Variants in MPHOSPH9 observed in about 807,000 individuals in gnomAD.
MPHOSPH9 encodes the protein M-phase phosphoprotein 9.
MPHOSPH9 carries 88 observed loss-of-function variants against 145.5 expected under a neutral mutation model. That is an observed-to-expected ratio of 0.60 (90% CI 0.51 to 0.72). MPHOSPH9 has a LOEUF of 0.72. MPHOSPH9 is among the 30% of genes least tolerant of loss of function. The pLI is 0.00. For synonymous variants in MPHOSPH9, 435 were observed against 486.2 expected (o/e 0.89, Z 1.39); for missense variants, 1,238 against 1,386.6 (o/e 0.89, Z 1.70).
intron 11 of MPHOSPH9, among the ~76,000 whole-genome samples, chr12:123,200,535 C>T (rs1030152032): frequency 6.6e-5 from 10 of 152,076 alleles, no homozygotes; most frequent in African/African-American, 2.4e-4. Flanking sequence ...AATGTTTTGA[C>T]TGGCTATAAT....
intron 15 of MPHOSPH9, among the ~76,000 whole-genome samples, chr12:123,179,336 A>G (rs916535238): frequency 5.9e-5 from 9 of 152,128 alleles, no homozygotes; most frequent in Admixed American, 6.6e-5. Context: ...CACCTTGGCA[A>G]GCCGAGGCAG....
chr12:123,223,151 G>A, intron 3 of MPHOSPH9, 24 bp from the exon 4 acceptor site: 1 of 1,279,362 alleles, frequency 7.8e-7, no homozygotes, highest in Non-Finnish European at 1.0e-6. Context: ...AAATATTTTA[G>A]TTAAAAATAA....
upstream of MPHOSPH9, among the ~76,000 whole-genome samples, chr12:123,234,620 T>C (rs2047807441): frequency 4.0e-5 from 6 of 151,850 alleles, no homozygotes; most frequent in Admixed American, 3.9e-4. Context: ...TGGTCTCGAA[T>C]TCCTGACCTC....
At chr12:123,203,397 T>A in intron 8 of MPHOSPH9, 22 bp from the exon 9 acceptor site, 1 of 1,555,922 alleles carries the variant, frequency 6.4e-7, no homozygotes, top group Non-Finnish European at 8.7e-7. Flanking sequence ...GAAACAAAAT[T>A]AAATGGTGTT....
rs768458797 is a variant in MPHOSPH9 at position 123,161,309 on chromosome 12, C to G, written c.3208G>C (p.Val1070Leu). Residue 1070 changes from valine (V) to leucine (L), a missense_variant, in exon 22 of 24, where the codon GTG becomes CTG. Transcript: ENST00000606320. Reference sequence around the variant, plus strand: ...GCTGTTCTCACAGATACTTTCTTCACTCCATTTGGCACCGGTTCAGGGCAA... The same window carrying G: ...GCTGTTCTCACAGATACTTTCTTCAGTCCATTTGGCACCGGTTCAGGGCAA... ...SSCPEPVPNG[V>L]KKVSVRTAWE... 1.9e-6 allele frequency: 3 copies of G among 1,613,982 alleles called. No individual in the cohort carries two copies. Among genetic ancestry groups the G allele is most frequent in the Non-Finnish European group, 2.5e-6 (3 of 1,180,026 alleles).
At position 123,163,051 on chromosome 12, in the gene MPHOSPH9, T is replaced by A; in HGVS notation, c.2992A>T (p.Ser998Cys). Reference protein sequence around the residue: ...SPKENLSPGFSHLLSKNESSP... With the variant: ...SPKENLSPGFCHLLSKNESSP... ...CTCTCATTTTTGCTAAGCAGATGACTAAATCCTGGGGACAAGTTTTCTTTA... is the reference window on the plus strand; with the variant it reads ...CTCTCATTTTTGCTAAGCAGATGACAAAATCCTGGGGACAAGTTTTCTTTA... Residue 998 changes from serine to cysteine, a missense_variant, in exon 20 of 24, where the codon AGT (serine) becomes TGT (cysteine). Coordinates refer to ENST00000606320, the MANE Select transcript of MPHOSPH9 (RefSeq NM_022782.4). 1 of 1,596,160 alleles carries A rather than the reference T, an allele frequency of 6.3e-7. No individual in the cohort carries two copies. Among genetic ancestry groups the A allele is most frequent in the South Asian group, 1.2e-5 (1 of 86,448 alleles).
chr12:123,173,697 C>T (rs991518370), intron 16 of MPHOSPH9, among the ~76,000 whole-genome samples: 9 of 152,220 alleles, frequency 5.9e-5, no homozygotes, highest in African/African-American at 1.7e-4. Flanking sequence ...AGCTCATCCA[C>T]GCACTGAGGG....
upstream of MPHOSPH9, chr12:123,233,663 C>G (rs1161767541): frequency 6.6e-6 from 1 of 152,500 alleles, no homozygotes; most frequent in Non-Finnish European, 1.5e-5. Flanking sequence ...GCCAGTTTAC[C>G]TGAGGCCGCG....
Position 123,198,341 on chromosome 12 carries a change from A to C in MPHOSPH9, c.1938-7T>G. On this transcript the variant is annotated splice_region_variant and splice_polypyrimidine_tract_variant and intron_variant, in intron 11 of 23. Transcript: ENST00000606320. ...ACTATCTAATTGGCCACATCTAAAA[A>C]CCATAAATTTAGCTTCAATTAGAAG... is the stretch of plus-strand genomic sequence containing the variant. 6.2e-7 allele frequency: 1 copy of C among 1,605,490 alleles called. No individual in the cohort carries two copies. The highest frequency in any genetic ancestry group is 8.5e-7 in the Non-Finnish European group (1 of 1,175,238).
At chr12:123,200,161 A>C (rs1593171128) in intron 11 of MPHOSPH9, among the ~76,000 whole-genome samples, 2 of 152,090 alleles carry the variant, frequency 1.3e-5, no homozygotes, top group Non-Finnish European at 2.9e-5. Context: ...CACCAGGGGG[A>C]TTCTCCAATT....
At chr12:123,181,087 G>A in intron 14 of MPHOSPH9, 76 bp downstream of exon 14, 10 of 1,337,010 alleles carry the variant, frequency 7.5e-6, no homozygotes, top group Non-Finnish European at 1.1e-5. Flanking sequence ...AGGAGGAGAA[G>A]AGTCAGATCC....
At chr12:123,235,465 C>T (rs1250466857), upstream of MPHOSPH9, among the ~76,000 whole-genome samples, 6 of 151,866 alleles carry the variant, frequency 4.0e-5, no homozygotes, top group South Asian at 2.1e-4. Flanking sequence ...CCCAGGTTCA[C>T]GCCATTCTCC....
intron 13 of MPHOSPH9, among the ~76,000 whole-genome samples, chr12:123,190,291 T>C (rs1434921633): frequency 6.6e-6 from 1 of 151,950 alleles, no homozygotes; most frequent in Admixed American, 6.6e-5. Context: ...TAGCTGGGAC[T>C]ACAGGCGCCC....
chr12:123,177,145 G>A (rs117785379), intron 15 of MPHOSPH9, among the ~76,000 whole-genome samples: 114 of 151,664 alleles, frequency 7.5e-4, no homozygotes, highest in Non-Finnish European at 1.5e-3. Flanking sequence ...AGCCGAGATC[G>A]CACCAGCCTG....
At position 123,159,181 on chromosome 12, in the gene MPHOSPH9, C is replaced by G. The variant is rs1342686907; in HGVS notation, c.3450+1600G>C. Among the ~76,000 whole-genome samples, 1 of 152,050 alleles carries G rather than the reference C, an allele frequency of 6.6e-6. No homozygotes were observed. Among genetic ancestry groups the G allele is most frequent in the Non-Finnish European group, 1.5e-5 (1 of 67,962 alleles). ...GGTATTTTTTTTTATTATTCTTTTTCAGAGACGGAGTCTTGCTCTGTCACC... is the reference window on the plus strand; with the variant it reads ...GGTATTTTTTTTTATTATTCTTTTTGAGAGACGGAGTCTTGCTCTGTCACC... On this transcript the variant is annotated intron_variant, in intron 23 of 23. Transcript: ENST00000606320. This position sits in a 1 kb window ranked among gnomAD's most constrained non-coding sequence, Gnocchi z 4.3.
chr12:123,166,561 ACCAAAGAGAGGGCTTCC>A (rs1279004667), intron 17 of MPHOSPH9, 77 bp downstream of exon 17: 6 of 1,392,794 alleles, frequency 4.3e-6, no homozygotes, highest in Non-Finnish European at 6.0e-6. Flanking sequence ...ACATTAAAGA[ACCAAAGAGAGGGCTTCC>A]CAAACTTTTA....
intron 8 of MPHOSPH9, among the ~76,000 whole-genome samples, chr12:123,208,596 G>A (rs1593194782): frequency 6.6e-6 from 1 of 150,824 alleles, no homozygotes; most frequent in African/African-American, 2.4e-5. Context: ...GAAATGGATC[G>A]CATAACAAAT....
chr12:123,162,086 C>A, intron 21 of MPHOSPH9, 29 bp downstream of exon 21: 9 of 1,348,120 alleles, frequency 6.7e-6, no homozygotes, highest in South Asian at 2.8e-5. Context: ...TGATTAAAAC[C>A]ATAACTAATA....
rs557698659 is a variant in MPHOSPH9 at position 123,224,799 on chromosome 12, C to T, written c.259-1672G>A. 3.0e-4 allele frequency among the ~76,000 whole-genome samples: 46 copies of T among 152,278 alleles called. No individual in the cohort carries two copies. In the South Asian group the frequency reaches 8.9e-3, roughly 29 times the overall value. On this transcript the variant is annotated intron_variant, in intron 3 of 23. Transcript: ENST00000606320. ...TCAAAACAAACTTAAGTTTCAAAAT[C>T]TCATGAGAAGTTGGTCACCCTTTCA...
Sources: allele counts gnomAD v4.1 joint callset (sites outside exome capture counted in the v4.1 genomes callset), GRCh38; gene constraint gnomAD v4.1.1; non-coding constraint Gnocchi (gnomAD v3.1); transcripts MANE v1.5; gene names NCBI Gene and HGNC (gene_info 2026-07-23, HGNC 2026-07-21).